EIPR1: variants seen among roughly 807,000 people sequenced by gnomAD.
EIPR1 encodes the protein EARP and GARP complex-interacting protein 1.
In EIPR1, 25 loss-of-function variants were observed where a neutral mutation model predicts 48.1. The ratio of observed to expected loss-of-function variants is 0.52; its 90% confidence interval spans 0.38 to 0.73. EIPR1 has a LOEUF of 0.73. EIPR1 is among the 30% of genes least tolerant of loss of function. EIPR1 has a pLI of 0.00. For missense variants in EIPR1, 415 were observed against 506.2 expected (o/e 0.82, Z 1.73); for synonymous variants, 204 against 201.9 (o/e 1.01, Z -0.09).
At chr2:3,190,109 G>A (rs1163732424) in intron 8 of EIPR1, among the ~76,000 whole-genome samples, 1 of 152,080 alleles carries the variant, frequency 6.6e-6, no homozygotes, top group Non-Finnish European at 1.5e-5. Context: ...CCCCCAGGGT[G>A]TTTCCCACCT....
chr2:3,295,037 C>T (rs983983563), intron 3 of EIPR1, among the ~76,000 whole-genome samples: 3 of 138,150 alleles, frequency 2.2e-5, no homozygotes, highest in Non-Finnish European at 4.6e-5. Flanking sequence ...CACACATACA[C>T]CCTCCATCCA....
At chr2:3,330,354 C>T (rs543019998) in intron 3 of EIPR1, among the ~76,000 whole-genome samples, 156 of 152,250 alleles carry the variant, frequency 1.0e-3, no homozygotes, top group African/African-American at 3.7e-3. Flanking sequence ...AGTTAGGACA[C>T]GGTCACAAAG....
At chr2:3,274,367 A>G (rs1403025987) in intron 3 of EIPR1, 2 of 1,550,628 alleles carry the variant, frequency 1.3e-6, no homozygotes, top group South Asian at 1.2e-5. Context: ...ACAGTTGGGC[A>G]GCTGACTTCC....
chr2:3,306,072 T>C (rs1412327967), intron 3 of EIPR1, among the ~76,000 whole-genome samples: 3 of 152,228 alleles, frequency 2.0e-5, no homozygotes, highest in Non-Finnish European at 4.4e-5. Context: ...GCTGAACTTA[T>C]TGACAGACAC....
intron 3 of EIPR1, among the ~76,000 whole-genome samples, chr2:3,301,841 G>A (rs1488122772): frequency 6.6e-6 from 1 of 152,192 alleles, no homozygotes; most frequent in Admixed American, 6.5e-5. Flanking sequence ...GTTAGATGTG[G>A]TAGGTGTTTC....
At chr2:3,254,448 C>T (rs1667093811) in intron 4 of EIPR1, among the ~76,000 whole-genome samples, 1 of 152,210 alleles carries the variant, frequency 6.6e-6, no homozygotes, top group African/African-American at 2.4e-5. Context: ...CAGGCAAGTG[C>T]TTAACAAACC....
intron 4 of EIPR1, among the ~76,000 whole-genome samples, chr2:3,234,777 A>G (rs1336169607): frequency 2.0e-5 from 3 of 152,226 alleles, no homozygotes; most frequent in Non-Finnish European, 4.4e-5. Flanking sequence ...GCACTGGAAG[A>G]TGCTCCTACT....
At chr2:3,324,132 C>T (rs1299748267) in intron 3 of EIPR1, among the ~76,000 whole-genome samples, 1 of 152,212 alleles carries the variant, frequency 6.6e-6, no homozygotes, top group Non-Finnish European at 1.5e-5. Context: ...GGAATTCCTC[C>T]CATCTTACAG....
intron 2 of EIPR1, among the ~76,000 whole-genome samples, chr2:3,349,469 G>T (rs1670502211): frequency 6.6e-6 from 1 of 152,232 alleles, no homozygotes; most frequent in African/African-American, 2.4e-5. Flanking sequence ...GCTCCAAACA[G>T]ACCCAGGGCA....
At chr2:3,231,647 TGGGTATATTG>T (rs1188037468) in intron 4 of EIPR1, among the ~76,000 whole-genome samples, 1 of 152,326 alleles carries the variant, frequency 6.6e-6, no homozygotes, top group Non-Finnish European at 1.5e-5. Context: ...TTTACTGACG[TGGGTATATTG>T]AAGCATCCTT....
At chr2:3,212,414 G>A (rs1665487106) in intron 5 of EIPR1, among the ~76,000 whole-genome samples, 1 of 152,188 alleles carries the variant, frequency 6.6e-6, no homozygotes, top group Admixed American at 6.5e-5. Flanking sequence ...CACACCAGGA[G>A]CTGGGCCCTC....
intron 2 of EIPR1, among the ~76,000 whole-genome samples, chr2:3,339,163 C>CTTTTG (rs200337376): frequency 3.9e-5 from 6 of 152,264 alleles, no homozygotes; most frequent in African/African-American, 7.2e-5. Flanking sequence ...ATGCTACATC[C>CTTTTG]TTTTGTTTTG....
At chr2:3,376,171 A>G (rs1245480903) in intron 1 of EIPR1, among the ~76,000 whole-genome samples, 3 of 152,060 alleles carry the variant, frequency 2.0e-5, no homozygotes. Context: ...TATTGAACAC[A>G]CTATGCACCA....
intron 2 of EIPR1, among the ~76,000 whole-genome samples, chr2:3,344,634 C>CTTTTTTT (rs1178498027): frequency 5.4e-5 from 4 of 74,192 alleles, no homozygotes; most frequent in African/African-American, 1.2e-4. Flanking sequence ...GGTTCTGGTT[C>CTTTTTTT]TTTTTTTTTT....
At chr2:3,272,485 T>C (rs1183803031) in intron 3 of EIPR1, among the ~76,000 whole-genome samples, 1 of 152,196 alleles carries the variant, frequency 6.6e-6, no homozygotes, top group East Asian at 1.9e-4. Context: ...GGTTATTAAT[T>C]GGCCTGACTT....
chr2:3,336,429 G>T (rs938641328), intron 3 of EIPR1, among the ~76,000 whole-genome samples: 2 of 152,166 alleles, frequency 1.3e-5, no homozygotes, highest in Non-Finnish European at 2.9e-5. Context: ...CCTCCATGTG[G>T]AAGGCAGGGC....
At chr2:3,299,672 C>T (rs995617781) in intron 3 of EIPR1, among the ~76,000 whole-genome samples, 4 of 146,454 alleles carry the variant, frequency 2.7e-5, no homozygotes, top group Non-Finnish European at 4.5e-5. Context: ...TGAGTTATGG[C>T]CATACGTGTA....
intron 1 of EIPR1, among the ~76,000 whole-genome samples, chr2:3,370,843 A>T (rs1410186667): frequency 1.3e-5 from 2 of 152,138 alleles, no homozygotes; most frequent in Non-Finnish European, 2.9e-5. Context: ...AACTTCCCCA[A>T]TCTAGCAAGG....
intron 3 of EIPR1, among the ~76,000 whole-genome samples, chr2:3,272,367 C>T (rs545525233): frequency 5.1e-4 from 77 of 152,372 alleles, no homozygotes; most frequent in African/African-American, 1.8e-3. Flanking sequence ...TCTTGGTCTA[C>T]TTCAGCTTTT....
Sources: gnomAD v4.1 joint callset for allele counts (sites outside exome capture counted in the v4.1 genomes callset) on GRCh38, gnomAD v4.1.1 for gene constraint, MANE v1.5 for transcripts, NCBI Gene and HGNC (gene_info 2026-07-23, HGNC 2026-07-21) for gene names.